ANKRD13C: variants seen among roughly 807,000 people sequenced by gnomAD.
ANKRD13C encodes ankyrin repeat domain 13C, also known as ankyrin repeat domain-containing protein 13C.
A neutral mutation model predicts 65.5 loss-of-function variants in ANKRD13C; 16 were observed. That is an observed-to-expected ratio of 0.24 (90% confidence interval 0.17 to 0.37). The LOEUF (loss-of-function observed/expected upper bound fraction) is 0.37. Among genes scored for constraint, ANKRD13C ranks in the 10% least tolerant of loss-of-function variants. ANKRD13C has a pLI of 1.00. For synonymous variants in ANKRD13C, 235 were observed against 238.7 expected, an observed-to-expected ratio of 0.98 and a Z score of 0.14; for missense variants, 503 against 655.9, an observed-to-expected ratio of 0.77 and a Z score of 2.55.
intron 3 of ANKRD13C, among the ~76,000 whole-genome samples, chr1:70,315,947 T>C (rs1681055170): frequency 6.6e-6 from 1 of 152,206 alleles, no homozygotes; most frequent in African/African-American, 2.4e-5. Context: ...AGTTTTTTAA[T>C]TATCAGTAAC....
At chr1:70,336,133 A>C in intron 1 of ANKRD13C, 34 bp from the exon 2 acceptor site, 1 of 608,712 alleles carries the variant, frequency 1.6e-6, no homozygotes, top group East Asian at 5.2e-5. Context: ...ATAAATTAGA[A>C]GGTGTAAAAA....
At chr1:70,292,670 A>G in intron 8 of ANKRD13C, 121 bp from the exon 9 acceptor site, 1 of 704,658 alleles carries the variant, frequency 1.4e-6, no homozygotes, top group South Asian at 2.1e-5. Context: ...GGTACTTGAA[A>G]TTATCAAACT....
intron 5 of ANKRD13C, among the ~76,000 whole-genome samples, chr1:70,311,124 A>G (rs1680829787): frequency 6.6e-6 from 1 of 152,230 alleles, no homozygotes; most frequent in South Asian, 2.1e-4. Context: ...CATCCATGCC[A>G]TAAAGTATTA....
chr1:70,346,888 G>A (rs564137642), intron 1 of ANKRD13C, among the ~76,000 whole-genome samples: 1 of 152,006 alleles, frequency 6.6e-6, no homozygotes, highest in East Asian at 1.9e-4. Context: ...TCAGGAGATC[G>A]AGACCATCCT....
At chr1:70,286,214 A>C (rs2101209513) in intron 9 of ANKRD13C, among the ~76,000 whole-genome samples, 1 of 152,322 alleles carries the variant, frequency 6.6e-6, no homozygotes, top group Non-Finnish European at 1.5e-5. Flanking sequence ...TGATAGAATT[A>C]CTATTAATAT....
At chr1:70,273,854 C>G (rs1173464214) in intron 11 of ANKRD13C, among the ~76,000 whole-genome samples, 2 of 151,826 alleles carry the variant, frequency 1.3e-5, no homozygotes, top group African/African-American at 4.8e-5. Context: ...TAGGGTTTCA[C>G]CACGTTGGCC....
intron 6 of ANKRD13C, among the ~76,000 whole-genome samples, chr1:70,301,729 C>T (rs747164280): frequency 3.2e-4 from 49 of 152,144 alleles, no homozygotes; most frequent in Non-Finnish European, 6.2e-4. Context: ...TAGCCTAATG[C>T]GCTGGTCTCA....
intron 1 of ANKRD13C, 57 bp downstream of exon 1, chr1:70,353,922 G>A (rs774622919): frequency 6.9e-7 from 1 of 1,452,118 alleles, no homozygotes; most frequent in African/African-American, 1.4e-5. Context: ...GAAGCCTGGG[G>A]AGGCACACCC....
intron 1 of ANKRD13C, among the ~76,000 whole-genome samples, chr1:70,349,033 C>T (rs375376892): frequency 4.6e-5 from 7 of 152,246 alleles, no homozygotes; most frequent in East Asian, 1.9e-4. Flanking sequence ...TTCTTAAAGA[C>T]ATTTAACTCA....
intron 12 of ANKRD13C, among the ~76,000 whole-genome samples, chr1:70,264,502 A>G (rs2101092022): frequency 6.8e-6 from 1 of 146,480 alleles, no homozygotes; most frequent in African/African-American, 2.5e-5. Context: ...AAAAAAAAAA[A>G]TTACATGAAA....
intron 4 of ANKRD13C, 28 bp downstream of exon 4, chr1:70,315,453 G>A (rs757111082): frequency 6.4e-7 from 1 of 1,563,082 alleles, no homozygotes; most frequent in East Asian, 2.3e-5. Flanking sequence ...CTTCCAAGGT[G>A]CAAAATTAAC....
At chr1:70,338,351 C>T (rs1210084847) in intron 1 of ANKRD13C, among the ~76,000 whole-genome samples, 1 of 152,154 alleles carries the variant, frequency 6.6e-6, no homozygotes, top group Non-Finnish European at 1.5e-5. Flanking sequence ...TTTCATCCTA[C>T]TACTAACTAA....
At chr1:70,317,145 A>T (rs550066273) in intron 3 of ANKRD13C, among the ~76,000 whole-genome samples, 1 of 152,250 alleles carries the variant, frequency 6.6e-6, no homozygotes, top group Non-Finnish European at 1.5e-5. Flanking sequence ...CTTATTTTTA[A>T]CCACAGGTCT....
rs1309444245 is a variant in ANKRD13C, at chr1:70,297,774, A to G, written c.922-1513T>C. Among the ~76,000 whole-genome samples the G allele has an allele frequency of 2.7e-5, 4 of 150,594 alleles. No homozygotes were observed. The South Asian group carries it at 8.4e-4, about 32-fold the overall frequency. On this transcript the variant is annotated intron_variant, in intron 7 of 12. Coordinates refer to ENST00000370944, the MANE Select transcript of ANKRD13C (RefSeq NM_030816.5). ...ACTAAAAAAAAAAAATTAGCCGGGC[A>G]TGGTGGCACGCGCCTGTAGTCCCAG...
chr1:70,296,492 G>A (rs1310499522), intron 7 of ANKRD13C, among the ~76,000 whole-genome samples: 2 of 152,002 alleles, frequency 1.3e-5, no homozygotes, highest in Non-Finnish European at 2.9e-5. Context: ...ATAAAAGCAG[G>A]ACACATGAAA....
intron 7 of ANKRD13C, among the ~76,000 whole-genome samples, chr1:70,299,278 G>C (rs538471046): frequency 6.6e-6 from 1 of 152,194 alleles, no homozygotes; most frequent in South Asian, 2.1e-4. Context: ...AAAATAGTAA[G>C]GTAAGAAAAA....
At chr1:70,278,320 C>T (rs1679231402) in intron 9 of ANKRD13C, among the ~76,000 whole-genome samples, 1 of 151,840 alleles carries the variant, frequency 6.6e-6, no homozygotes, top group East Asian at 1.9e-4. Flanking sequence ...TGGTGAAACC[C>T]CATCTCTACT....
At chr1:70,348,931 G>A (rs538545023) in intron 1 of ANKRD13C, among the ~76,000 whole-genome samples, 10 of 152,238 alleles carry the variant, frequency 6.6e-5, no homozygotes, top group Admixed American at 2.0e-4. Context: ...TCACATCTAG[G>A]AAAGGCTGGC....
At position 70,297,120 on chromosome 1, in the gene ANKRD13C, G is replaced by T. The variant is rs114677730; in HGVS notation, c.922-859C>A. Reference sequence around the variant, plus strand: ...TAACTAATATTTAAGACGTTATAAGGAAGAAAAAAGGCAAAACCTAGGGAG... The same window carrying T: ...TAACTAATATTTAAGACGTTATAAGTAAGAAAAAAGGCAAAACCTAGGGAG... On this transcript the variant is annotated intron_variant, in intron 7 of 12. Transcript: ENST00000370944. 7.7e-3 allele frequency among the ~76,000 whole-genome samples: 1,166 copies of T among 151,846 alleles called. 14 individuals carry two copies. The highest frequency in any genetic ancestry group is 0.027 in the African/African-American group (1,106 of 41,396).
Sources: gnomAD v4.1 joint callset for allele counts (sites outside exome capture counted in the v4.1 genomes callset) on GRCh38, gnomAD v4.1.1 for gene constraint, MANE v1.5 for transcripts, NCBI Gene and HGNC (gene_info 2026-07-23, HGNC 2026-07-21) for gene names.